Variants in CNPY1 observed in about 807,000 individuals in gnomAD.
The protein encoded by CNPY1 is canopy FGF signaling regulator 1.
Under a neutral mutation model 14.4 loss-of-function variants are expected in CNPY1, and 14 were observed. That is an observed-to-expected ratio of 0.97 (90% confidence interval 0.64 to 1.52). The LOEUF (loss-of-function observed/expected upper bound fraction) is 1.52, where lower values mean the gene tolerates loss of function less well. Among genes scored for constraint, CNPY1 ranks in the 40% most tolerant of loss-of-function variants. The pLI is 0.00. For missense variants in CNPY1, 129 were observed against 131.5 expected (o/e 0.98, Z 0.09); for synonymous variants, 43 against 46.5 (o/e 0.92, Z 0.31).
At chr7:155,544,095 G>A (rs766275625) in intron 2 of CNPY1, among the ~76,000 whole-genome samples, 28 of 152,116 alleles carry the variant, frequency 1.8e-4, no homozygotes, top group Non-Finnish European at 3.5e-4. Flanking sequence ...ACCCCCAAAC[G>A]TGGACTCCTG....
chr7:155,517,668 G>A (rs1447648608), intron 2 of CNPY1, among the ~76,000 whole-genome samples: 1 of 152,198 alleles, frequency 6.6e-6, no homozygotes, highest in Non-Finnish European at 1.5e-5. Context: ...AATTTCTCCT[G>A]CAACACGGCA....
At chr7:155,509,718 C>T (rs1796469309) in intron 2 of CNPY1, among the ~76,000 whole-genome samples, 2 of 152,170 alleles carry the variant, frequency 1.3e-5, no homozygotes, top group African/African-American at 2.4e-5. Context: ...GGAAGGGGCT[C>T]ACGGACGGGC....
At chr7:155,528,640 A>G (rs58314328) in intron 2 of CNPY1, among the ~76,000 whole-genome samples, 139 of 152,354 alleles carry the variant, frequency 9.1e-4, no homozygotes, top group African/African-American at 3.1e-3. Flanking sequence ...GCTGAAGAAC[A>G]GGACACTGTC....
At chr7:155,519,823 C>T (rs1796685291) in intron 2 of CNPY1, among the ~76,000 whole-genome samples, 1 of 152,140 alleles carries the variant, frequency 6.6e-6, no homozygotes, top group Non-Finnish European at 1.5e-5. Flanking sequence ...ATTCTCTATC[C>T]TCCACCCCAC....
chr7:155,521,449 G>A (rs1038422466), intron 2 of CNPY1, among the ~76,000 whole-genome samples: 4 of 152,144 alleles, frequency 2.6e-5, no homozygotes, highest in African/African-American at 9.7e-5. Flanking sequence ...CATGGCCCCT[G>A]AGCATCCCCT....
chr7:155,541,622 G>C (rs973170986), intron 2 of CNPY1, among the ~76,000 whole-genome samples: 5 of 152,242 alleles, frequency 3.3e-5, no homozygotes, highest in African/African-American at 1.2e-4. Context: ...CTGGCTTGGA[G>C]GCTCCCCAGA....
At chr7:155,519,534 TA>T (rs1387390977) in intron 2 of CNPY1, among the ~76,000 whole-genome samples, 2 of 140,940 alleles carry the variant, frequency 1.4e-5, no homozygotes, top group Middle Eastern at 3.5e-3. Flanking sequence ...AATAAATAAA[TA>T]AATAAATAAA....
intron 2 of CNPY1, among the ~76,000 whole-genome samples, chr7:155,533,067 T>A (rs1258840401): frequency 6.6e-6 from 1 of 152,192 alleles, no homozygotes; most frequent in Non-Finnish European, 1.5e-5. Flanking sequence ...AGGTGCAAGC[T>A]CTGCACATCG....
At chr7:155,523,343 G>A (rs964450994) in intron 2 of CNPY1, among the ~76,000 whole-genome samples, 3 of 152,218 alleles carry the variant, frequency 2.0e-5, no homozygotes, top group Admixed American at 6.5e-5. Context: ...AGCCATGCAC[G>A]GGTCGGTGTG....
chr7:155,507,471 TAAAAAAAAAAAA>T (rs35711313), intron 3 of CNPY1, among the ~76,000 whole-genome samples: 14 of 54,156 alleles, frequency 2.6e-4, no homozygotes, highest in South Asian at 2.2e-3. Context: ...GTTTTTAAAC[TAAAAAAAAAAAA>T]AAAAAAAAAA....
chr7:155,511,114 C>G (rs924397928), intron 2 of CNPY1, among the ~76,000 whole-genome samples: 2 of 152,200 alleles, frequency 1.3e-5, no homozygotes, highest in African/African-American at 4.8e-5. Flanking sequence ...TTCATTCTCT[C>G]TCTCCTTTCC....
At position 155,508,941 on chromosome 7, in the gene CNPY1, T is replaced by A. The variant is rs766124944; in HGVS notation, c.256A>T (p.Lys86Ter). Residue 86 changes from lysine (K) to a stop codon, truncating the protein, a stop_gained, in exon 3 of 5, where the codon AAA (lysine) becomes TAA (stop). Coordinates refer to ENST00000636446, the MANE Select transcript of CNPY1 (RefSeq NM_001393663.1). LOFTEE classifies it high-confidence loss of function. ...GCATCAGAATAAAAATACAATTTTT[T>A]AAATTCTTGGTATATTTTGTCTCCT... The part of the protein sequence containing the change: ...RKGDKIYQEF[K>*]KLYFYSDAYR... The A allele has an allele frequency of 4.8e-5, 77 of 1,613,612 alleles. No homozygotes were observed. Among genetic ancestry groups the A allele is most frequent in the Non-Finnish European group, 6.0e-5 (71 of 1,179,824 alleles).
At chr7:155,514,829 G>C (rs957827515) in intron 2 of CNPY1, among the ~76,000 whole-genome samples, 73 of 152,296 alleles carry the variant, frequency 4.8e-4, no homozygotes, top group African/African-American at 1.7e-3. Context: ...GGGAGGTGGA[G>C]GTTGCGGTGA....
chr7:155,542,115 G>A (rs1797091363), intron 2 of CNPY1, among the ~76,000 whole-genome samples: 1 of 152,054 alleles, frequency 6.6e-6, no homozygotes, highest in African/African-American at 2.4e-5. Flanking sequence ...CGCTCGATGT[G>A]GAGTATTCAC....
chr7:155,543,155 G>A (rs1453744607), intron 2 of CNPY1, among the ~76,000 whole-genome samples: 1 of 152,192 alleles, frequency 6.6e-6, no homozygotes, highest in Non-Finnish European at 1.5e-5. Context: ...GGTCCAGAAA[G>A]GAGAAAAAAG....
intron 2 of CNPY1, among the ~76,000 whole-genome samples, chr7:155,545,282 G>A (rs531735394): frequency 2.6e-5 from 4 of 152,248 alleles, no homozygotes; most frequent in East Asian, 1.9e-4. Flanking sequence ...AATGGGTCCC[G>A]CCTGGTGTCT....
intron 2 of CNPY1, among the ~76,000 whole-genome samples, chr7:155,532,394 G>A (rs1208654220): frequency 1.3e-5 from 2 of 151,466 alleles, no homozygotes; most frequent in Admixed American, 6.6e-5. Flanking sequence ...AGGCCGAGGC[G>A]GGCGGATCAC....
rs1585341076 is a variant in CNPY1 at position 155,545,883 on chromosome 7, G to T, written c.47C>A (p.Thr16Asn). 7.5e-6 allele frequency: 3 copies of T among 398,662 alleles called. No individual in the cohort carries two copies. The East Asian group carries it at 1.1e-4, about 14-fold the overall frequency. 24.7% of individuals were successfully genotyped at this position (398,662 alleles called of 1,614,324 possible). A position where few individuals can be genotyped will look rare whatever the true frequency, so the allele number is the denominator to read the frequency against. ...HDITKARQKK[T>N]KVGSFRINPD... is the part of the protein sequence containing the mutation. ...ATTGATTCGGAAGGATCCCACCTTGGTCTTCTTCTGCCGAGCCTTGGTGAT... is the reference window on the plus strand; with the variant it reads ...ATTGATTCGGAAGGATCCCACCTTGTTCTTCTTCTGCCGAGCCTTGGTGAT... The change falls in exon 2 of 5, where the codon ACC (threonine) becomes AAC (asparagine). Residue 16 changes from threonine to asparagine, a missense_variant. Coordinates refer to ENST00000636446, the MANE Select transcript of CNPY1 (RefSeq NM_001393663.1).
intron 2 of CNPY1, among the ~76,000 whole-genome samples, chr7:155,509,547 CGA>C (rs372643253): frequency 6.6e-6 from 1 of 151,598 alleles, no homozygotes; most frequent in African/African-American, 2.4e-5. Context: ...GGAGAGAGAG[CGA>C]GAGAGAGAGC....
Sources: allele counts gnomAD v4.1 joint callset (sites outside exome capture counted in the v4.1 genomes callset), GRCh38; gene constraint gnomAD v4.1.1; transcripts MANE v1.5; gene names NCBI Gene and HGNC (gene_info 2026-07-23, HGNC 2026-07-21).